The following TAFA5 variants were observed in gnomAD, a reference collection of about 807,000 sequenced individuals.
TAFA5 encodes TAFA chemokine like family member 5.
A neutral mutation model predicts 15.3 loss-of-function variants in TAFA5; 6 were observed. The ratio of observed to expected loss-of-function variants is 0.39; its 90% CI spans 0.21 to 0.77. The LOEUF is 0.77. TAFA5 is among the 30% of genes least tolerant of loss of function. The pLI is 0.41. For missense variants in TAFA5, 161 were observed against 193.1 expected (o/e 0.83, Z 0.98); for synonymous variants, 103 against 80.7 (o/e 1.28, Z -1.48).
At chr22:48,541,271 CT>C (rs998104806) in intron 1 of TAFA5, among the ~76,000 whole-genome samples, 1 of 152,096 alleles carries the variant, frequency 6.6e-6, no homozygotes, top group African/African-American at 2.4e-5. Flanking sequence ...CCTATACCCC[CT>C]GGGACCTTTG....
At chr22:48,702,538 C>T (rs145659240) in intron 2 of TAFA5, among the ~76,000 whole-genome samples, 37 of 152,094 alleles carry the variant, frequency 2.4e-4, no homozygotes, top group Non-Finnish European at 2.9e-4. Flanking sequence ...ACGCATGAGA[C>T]CCTGTGCCCT....
chr22:48,665,815 G>T (rs914266798), intron 2 of TAFA5, among the ~76,000 whole-genome samples: 2 of 152,126 alleles, frequency 1.3e-5, no homozygotes, highest in Non-Finnish European at 2.9e-5. Context: ...CTAGCGGCAG[G>T]CGCCCTCCCG....
At chr22:48,728,755 A>G (rs1437930007) in intron 3 of TAFA5, among the ~76,000 whole-genome samples, 1 of 152,250 alleles carries the variant, frequency 6.6e-6, no homozygotes, top group African/African-American at 2.4e-5. Flanking sequence ...AAGAGGAGAA[A>G]ACAGCTGGTA....
Position 48,705,480 on chromosome 22 carries a change from C to T in TAFA5, c.263-2237C>T, listed in dbSNP as rs573359414. On this transcript the variant is annotated intron_variant, in intron 2 of 3. Transcript: ENST00000402357. Reference sequence around the variant, plus strand: ...TGACCTCCCAGACCTGCCTCCCCTGCGATGACCCCAGGGCCTGTGCCCTCG... The same window carrying T: ...TGACCTCCCAGACCTGCCTCCCCTGTGATGACCCCAGGGCCTGTGCCCTCG... Among the ~76,000 whole-genome samples, 4 of 152,320 alleles carry T rather than the reference C, an allele frequency of 2.6e-5. No homozygotes were observed. The East Asian group carries it at 5.8e-4, about 22-fold the overall frequency.
chr22:48,563,490 C>G (rs1026591779), intron 1 of TAFA5, among the ~76,000 whole-genome samples: 6 of 152,150 alleles, frequency 3.9e-5, no homozygotes, highest in African/African-American at 1.4e-4. Context: ...AGGCGGGTGG[C>G]GTGTGGGGCT....
intron 1 of TAFA5, among the ~76,000 whole-genome samples, chr22:48,595,441 G>A (rs1031515556): frequency 1.2e-4 from 18 of 152,250 alleles, no homozygotes; most frequent in Admixed American, 4.6e-4. Context: ...GGAAGAGGTC[G>A]GGGAAGTGGC....
At chr22:48,622,014 G>T (rs1925854510) in intron 1 of TAFA5, among the ~76,000 whole-genome samples, 1 of 152,096 alleles carries the variant, frequency 6.6e-6, no homozygotes, top group African/African-American at 2.4e-5. Flanking sequence ...AGAAGCCAGG[G>T]CCCAGGTATT....
At chr22:48,557,196 C>T (rs1332631362) in intron 1 of TAFA5, among the ~76,000 whole-genome samples, 2 of 152,156 alleles carry the variant, frequency 1.3e-5, no homozygotes, top group South Asian at 2.1e-4. Flanking sequence ...CATGACTGTA[C>T]TTGGAGACAG....
At chr22:48,592,855 C>T (rs1050038916) in intron 1 of TAFA5, among the ~76,000 whole-genome samples, 16 of 152,114 alleles carry the variant, frequency 1.1e-4, no homozygotes, top group African/African-American at 3.9e-4. Flanking sequence ...CCCTGGAATC[C>T]CTCCTGTGTG....
intron 3 of TAFA5, among the ~76,000 whole-genome samples, chr22:48,714,026 C>T (rs557946950): frequency 1.1e-4 from 16 of 152,324 alleles, no homozygotes; most frequent in African/African-American, 3.1e-4. Context: ...TGTGCCAATC[C>T]GCCAGGCAGC....
chr22:48,601,998 G>T (rs1924992034), intron 1 of TAFA5, among the ~76,000 whole-genome samples: 1 of 152,132 alleles, frequency 6.6e-6, no homozygotes, highest in Admixed American at 6.5e-5. Flanking sequence ...GCACCTTCCA[G>T]TCCCTGTGAG....
chr22:48,584,190 C>A (rs1924231441), intron 1 of TAFA5, among the ~76,000 whole-genome samples: 2 of 150,246 alleles, frequency 1.3e-5, no homozygotes, highest in South Asian at 4.2e-4. Context: ...CCACTCACCA[C>A]ACAAAATACA....
chr22:48,744,585 A>G (rs1195147996), intron 3 of TAFA5, among the ~76,000 whole-genome samples: 7 of 152,058 alleles, frequency 4.6e-5, no homozygotes, highest in African/African-American at 1.7e-4. Flanking sequence ...GCACTCGGCA[A>G]AGTCGCTCTG....
intron 1 of TAFA5, among the ~76,000 whole-genome samples, chr22:48,617,603 G>A (rs1010066308): frequency 9.2e-5 from 14 of 152,224 alleles, no homozygotes; most frequent in African/African-American, 2.7e-4. Flanking sequence ...AGGCTGAGTG[G>A]CCCATGAAAG....
At chr22:48,622,495 G>C (rs995945336) in intron 1 of TAFA5, among the ~76,000 whole-genome samples, 1 of 152,210 alleles carries the variant, frequency 6.6e-6, no homozygotes, top group Non-Finnish European at 1.5e-5. Context: ...TGAAGGAGTG[G>C]ACAGAAACTA....
At chr22:48,675,419 G>C (rs902873135) in intron 2 of TAFA5, among the ~76,000 whole-genome samples, 2 of 152,254 alleles carry the variant, frequency 1.3e-5, no homozygotes, top group South Asian at 2.1e-4. Context: ...AGCCTGGAAA[G>C]GGCATCTCTG....
At chr22:48,522,637 G>A (rs562413080) in intron 1 of TAFA5, among the ~76,000 whole-genome samples, 3 of 152,304 alleles carry the variant, frequency 2.0e-5, no homozygotes, top group East Asian at 3.9e-4. Context: ...CCTCTCATCC[G>A]CCCCTGGGAG....
At chr22:48,682,177 T>A (rs1314023226) in intron 2 of TAFA5, among the ~76,000 whole-genome samples, 1 of 152,196 alleles carries the variant, frequency 6.6e-6, no homozygotes, top group African/African-American at 2.4e-5. Context: ...GCCAGCAGTC[T>A]GGGCTCCCTA....
At position 48,552,688 on chromosome 22, in the gene TAFA5, T is replaced by C. The variant is rs1044237057; in HGVS notation, c.112+62984T>C. 1.3e-5 allele frequency among the ~76,000 whole-genome samples: 2 copies of C among 152,202 alleles called. No homozygotes were observed. The highest frequency in any genetic ancestry group is 4.8e-5 in the African/African-American group (2 of 41,460). Reference sequence around the variant, plus strand: ...AGATTAGCTCAGCTTACTTGATTCATTGATTTTGTCAAGGGTCCGTTTATC... The same window carrying C: ...AGATTAGCTCAGCTTACTTGATTCACTGATTTTGTCAAGGGTCCGTTTATC... On this transcript the variant is annotated intron_variant, in intron 1 of 3. Coordinates refer to ENST00000402357, the MANE Select transcript of TAFA5 (RefSeq NM_001082967.3). The surrounding 1 kb of genome is among the most constrained non-coding windows in gnomAD (Gnocchi z 4.1).
Sources: gnomAD v4.1 joint callset for allele counts (sites outside exome capture counted in the v4.1 genomes callset) on GRCh38, gnomAD v4.1.1 for gene constraint, Gnocchi (gnomAD v3.1) non-coding constraint, MANE v1.5 for transcripts, NCBI Gene and HGNC (gene_info 2026-07-23, HGNC 2026-07-21) for gene names.